The following DTNA variants were observed in gnomAD, a reference collection of about 807,000 sequenced individuals.
The protein encoded by DTNA is dystrobrevin alpha, also known as dystrophin-related protein 3.
In DTNA, 43 loss-of-function variants were observed where a neutral mutation model predicts 100.7. The observed-to-expected ratio is 0.43, with a 90% CI of 0.33 to 0.55. The LOEUF is 0.55. Ranked by LOEUF, DTNA falls within the 20% of genes least tolerant of loss-of-function variation. The pLI is 0.04. For synonymous variants in DTNA, 349 were observed against 347.9 expected (o/e 1.00, Z -0.04); for missense variants, 798 against 953.9 (o/e 0.84, Z 2.15).
intron 4 of DTNA, among the ~76,000 whole-genome samples, chr18:34,804,858 G>A (rs1349365384): frequency 6.6e-6 from 1 of 152,120 alleles, no homozygotes; most frequent in Non-Finnish European, 1.5e-5. Flanking sequence ...CTGGCTGGTT[G>A]TATTTGAGGT....
At chr18:34,871,823 C>T (rs770001808) in intron 17 of DTNA, among the ~76,000 whole-genome samples, 11 of 152,144 alleles carry the variant, frequency 7.2e-5, no homozygotes, top group Non-Finnish European at 1.0e-4. Flanking sequence ...GAGGTGGGGC[C>T]GTGATCACCC....
chr18:34,888,909 T>C lies in DTNA; in HGVS notation c.*1175T>C, dbSNP rs1188114640. The C allele has an allele frequency of 4.1e-6, 4 of 985,922 alleles. No individual in the cohort carries two copies. The highest frequency in any genetic ancestry group is 4.8e-6 in the Non-Finnish European group (4 of 829,964). 61.1% of individuals were successfully genotyped at this position (985,922 alleles called of 1,614,324 possible). On this transcript the variant is annotated 3_prime_UTR_variant, in exon 23 of 23. Transcript: ENST00000444659. ...TTAGCTGGCCACCTGGTGTTCTGCA[T>C]GTAGCCTTCTGTGGTCATGTGAAAG...
At chr18:34,521,449 G>C (rs1346528832) in intron 1 of DTNA, among the ~76,000 whole-genome samples, 1 of 152,130 alleles carries the variant, frequency 6.6e-6, no homozygotes, top group Non-Finnish European at 1.5e-5. Context: ...GTATAAATCA[G>C]AGGTAATATA....
chr18:34,845,885 C>T (rs1373691116), intron 13 of DTNA, among the ~76,000 whole-genome samples: 1 of 152,142 alleles, frequency 6.6e-6, no homozygotes, highest in Non-Finnish European at 1.5e-5. Flanking sequence ...TCTCAATCCA[C>T]TGGGATTGAT....
Position 34,889,172 on chromosome 18 carries a change from A to C in DTNA, c.*1438A>C. 1.0e-6 allele frequency: 1 copy of C among 985,412 alleles called. No homozygotes were observed. Among genetic ancestry groups the C allele is most frequent in the Non-Finnish European group, 1.2e-6 (1 of 829,928 alleles). 61.0% of individuals were successfully genotyped at this position (985,412 alleles called of 1,614,324 possible). A position where few individuals can be genotyped will look rare whatever the true frequency, so the allele number is the denominator to read the frequency against. On this transcript the variant is annotated 3_prime_UTR_variant, in exon 23 of 23. Transcript: ENST00000444659. ...GCGACCTATTCAATACATTATGCTT[A>C]AATTAGCAGTTTCTCTGGAATTCCT...
chr18:34,753,366 A>ATTTTTTTTTT (rs757853063), intron 1 of DTNA, among the ~76,000 whole-genome samples: 4 of 133,158 alleles, frequency 3.0e-5, no homozygotes, highest in Non-Finnish European at 4.6e-5. Flanking sequence ...TATTTATTTT[A>ATTTTTTTTTT]TTTTTTTTTT....
At chr18:34,661,492 C>G (rs1175273297) in intron 1 of DTNA, among the ~76,000 whole-genome samples, 1 of 152,182 alleles carries the variant, frequency 6.6e-6, no homozygotes, top group Non-Finnish European at 1.5e-5. Context: ...CTCCCTCTTT[C>G]TGGCTTCTTT....
chr18:34,809,213 C>T lies in DTNA; in HGVS notation c.449-2746C>T, dbSNP rs567754533. Among the ~76,000 whole-genome samples, 316 of 152,202 alleles carry T rather than the reference C, an allele frequency of 2.1e-3. 2 individuals carry two copies. The highest frequency in any genetic ancestry group is 3.3e-3 in the Non-Finnish European group (227 of 68,012). On this transcript the variant is annotated intron_variant, in intron 5 of 22. Transcript: ENST00000444659. ...GGCAAATTTACCCACAAAATCTGCC[C>T]GCAGAGACCAGTGGCTGCCCCTTGG...
At chr18:34,606,207 T>A (rs2053063690) in intron 1 of DTNA, among the ~76,000 whole-genome samples, 1 of 152,208 alleles carries the variant, frequency 6.6e-6, no homozygotes, top group South Asian at 2.1e-4. Flanking sequence ...TCTATTTTTT[T>A]TACCTATTTC....
rs146745088 is a variant in DTNA, at chr18:34,602,395, T to C, written c.-2+108881T>C. Among the ~76,000 whole-genome samples, 224 of 152,332 alleles carry C rather than the reference T, an allele frequency of 1.5e-3. 3 individuals are homozygous for C. In the East Asian group the frequency reaches 0.032, roughly 22 times the overall value. Reference sequence around the variant, plus strand: ...ATACCGTATCCCTTTCTTGGAGATTTAGGTAAACATTTGCATTAAGAATGC... The same window carrying C: ...ATACCGTATCCCTTTCTTGGAGATTCAGGTAAACATTTGCATTAAGAATGC... On this transcript the variant is annotated intron_variant, in intron 1 of 19. Coordinates refer to the DTNA transcript ENST00000283365.
In DTNA at chr18:34,879,115, G is replaced by A. The variant is rs2096847658; in HGVS notation, c.1994-436G>A. ...TAGTTTATACTCATAATTCTTTAAA[G>A]TATTAAGTGATAGGGTTCACTTAAT... On this transcript the variant is annotated intron_variant, in intron 19 of 22. Transcript: ENST00000444659. Among the ~76,000 whole-genome samples the A allele has an allele frequency of 2.0e-5, 3 of 152,114 alleles. No homozygotes were observed. The East Asian group carries it at 5.8e-4, about 29-fold the overall frequency.
At chr18:34,565,652 A>C (rs775286031) in intron 1 of DTNA, among the ~76,000 whole-genome samples, 1 of 152,160 alleles carries the variant, frequency 6.6e-6, no homozygotes, top group Non-Finnish European at 1.5e-5. Context: ...GCCTTCCTCT[A>C]CATGACTTTC....
rs907182057 is a variant in DTNA, at chr18:34,890,779, T to C, written c.*3045T>C. ...CTATAAGGCAGGGAAGGTTCATTTGTAAGTAGTAATGTGAACTGAATTGCA... is the reference window on the plus strand; with the variant it reads ...CTATAAGGCAGGGAAGGTTCATTTGCAAGTAGTAATGTGAACTGAATTGCA... On this transcript the variant is annotated 3_prime_UTR_variant, in exon 23 of 23. Coordinates refer to ENST00000444659, the MANE Select transcript of DTNA (RefSeq NM_001386795.1). The C allele has an allele frequency of 1.0e-4, 31 of 305,302 alleles. No individual in the cohort carries two copies. The highest frequency in any genetic ancestry group is 6.3e-4 in the African/African-American group (30 of 47,370). 18.9% of individuals were successfully genotyped at this position (305,302 alleles called of 1,614,324 possible). A position where few individuals can be genotyped will look rare whatever the true frequency, so the allele number is the denominator to read the frequency against.
At chr18:34,829,712 G>A (rs769418368) in intron 11 of DTNA, among the ~76,000 whole-genome samples, 47 of 152,050 alleles carry the variant, frequency 3.1e-4, no homozygotes, top group Admixed American at 1.8e-3. Flanking sequence ...GCCTCATACC[G>A]GTATATAAGA....
chr18:34,731,057 A>G (rs1233188185), intron 1 of DTNA, among the ~76,000 whole-genome samples: 1 of 152,154 alleles, frequency 6.6e-6, no homozygotes, highest in Non-Finnish European at 1.5e-5. Flanking sequence ...AAGTTTTCAT[A>G]CTCAAATGCA....
At chr18:34,655,116 G>C (rs2074181187) in intron 1 of DTNA, among the ~76,000 whole-genome samples, 1 of 152,078 alleles carries the variant, frequency 6.6e-6, no homozygotes, top group African/African-American at 2.4e-5. Flanking sequence ...GGCAATATAT[G>C]ATATTCGATT....
At chr18:34,766,073 A>T (rs138917735) in intron 3 of DTNA, 32 bp downstream of exon 3, 2 of 1,604,152 alleles carry the variant, frequency 1.2e-6, no homozygotes, top group Non-Finnish European at 1.7e-6. Flanking sequence ...ACTAATTACC[A>T]TCATGAATCC....
At chr18:34,549,109 T>G (rs2045115474) in intron 1 of DTNA, among the ~76,000 whole-genome samples, 1 of 152,132 alleles carries the variant, frequency 6.6e-6, no homozygotes, top group African/African-American at 2.4e-5. Context: ...TTCTTCACCC[T>G]CTTTCCCTTT....
At chr18:34,679,903 CAT>C (rs1249490511) in intron 1 of DTNA, among the ~76,000 whole-genome samples, 1 of 151,858 alleles carries the variant, frequency 6.6e-6, no homozygotes, top group Admixed American at 6.6e-5. Context: ...AAGCAAATGC[CAT>C]AATACTTCAT....
Sources: allele counts gnomAD v4.1 joint callset (sites outside exome capture counted in the v4.1 genomes callset), GRCh38; gene constraint gnomAD v4.1.1; transcripts MANE v1.5; gene names NCBI Gene and HGNC (gene_info 2026-07-23, HGNC 2026-07-21).